Variants in CLIC5 observed in about 807,000 individuals in gnomAD.
CLIC5 encodes CLIC family member 5.
In CLIC5, 20 loss-of-function variants were observed where a neutral mutation model predicts 24.7. That is an observed-to-expected ratio of 0.81 (90% CI 0.57 to 1.18). The LOEUF (loss-of-function observed/expected upper bound fraction) is 1.18. Among genes scored for constraint, CLIC5 ranks in the 50% most tolerant of loss-of-function variants. The pLI is 0.00. For missense variants in CLIC5, 341 were observed against 326.1 expected (o/e 1.05, Z -0.35); for synonymous variants, 159 against 135.6 (o/e 1.17, Z -1.20).
chr6:46,079,687 C>G (rs1762872021), intron 1 of CLIC5: 1 of 1,542,962 alleles, frequency 6.5e-7, no homozygotes, highest in East Asian at 2.4e-5. Context: ...GTATGCCTGT[C>G]AGAGGCAGAC....
At chr6:46,027,375 G>A (rs1016094571) in intron 1 of CLIC5, among the ~76,000 whole-genome samples, 9 of 152,208 alleles carry the variant, frequency 5.9e-5, no homozygotes, top group Admixed American at 1.3e-4. Context: ...CCTTAGGTGG[G>A]ACAAAGCATT....
intron 1 of CLIC5, among the ~76,000 whole-genome samples, chr6:45,995,623 C>T (rs1229780488): frequency 3.3e-5 from 5 of 152,112 alleles, no homozygotes; most frequent in African/African-American, 4.8e-5. Context: ...GCTAAATATC[C>T]TAATGAGACA....
the CLIC5 span, among the ~76,000 whole-genome samples, chr6:46,088,194 T>TGA: frequency 1.9e-4 from 28 of 151,276 alleles, no homozygotes; most frequent in African/African-American, 6.6e-4. Context: ...TGTGTGTGTG[T>TGA]GACACTGTAT....
intron 1 of CLIC5, among the ~76,000 whole-genome samples, chr6:45,995,958 G>A (rs1039061283): frequency 2.0e-5 from 3 of 152,064 alleles, no homozygotes; most frequent in Non-Finnish European, 2.9e-5. Flanking sequence ...ACACACTGGG[G>A]ACTGTTGAGG....
At chr6:45,903,586 G>A (rs116114639) in intron 5 of CLIC5, among the ~76,000 whole-genome samples, 415 of 152,156 alleles carry the variant, frequency 2.7e-3, no homozygotes, top group African/African-American at 9.2e-3. Context: ...GGTGCACAGC[G>A]CCAAAGTCCA....
chr6:45,970,167 G>A (rs1411145689), intron 1 of CLIC5, among the ~76,000 whole-genome samples: 1 of 152,144 alleles, frequency 6.6e-6, no homozygotes, highest in Non-Finnish European at 1.5e-5. Flanking sequence ...GTTTCTCCCA[G>A]CCAAGTGCCC....
At chr6:46,116,210 A>G in the CLIC5 span, among the ~76,000 whole-genome samples, 1 of 150,890 alleles carries the variant, frequency 6.6e-6, no homozygotes, top group African/African-American at 2.5e-5. Flanking sequence ...CAGAGTCTGG[A>G]AGCAGCTTTG....
chr6:46,071,809 C>T (rs956039860), intron 1 of CLIC5, among the ~76,000 whole-genome samples: 31 of 152,148 alleles, frequency 2.0e-4, no homozygotes, highest in East Asian at 5.8e-4. Flanking sequence ...CAGCACTATT[C>T]GCAATAGCAA....
At chr6:45,932,241 A>G (rs562193755) in intron 4 of CLIC5, among the ~76,000 whole-genome samples, 20 of 151,838 alleles carry the variant, frequency 1.3e-4, no homozygotes, top group African/African-American at 4.6e-4. Context: ...TCTCAAGTAG[A>G]TGGGATATAG....
chr6:45,999,167 C>T (rs1297666639), intron 1 of CLIC5, among the ~76,000 whole-genome samples: 1 of 152,168 alleles, frequency 6.6e-6, no homozygotes, highest in East Asian at 1.9e-4. Context: ...AAAGGGACCT[C>T]GGGTATCATT....
chr6:46,078,440 C>T (rs1209441995), intron 1 of CLIC5, among the ~76,000 whole-genome samples: 1 of 152,126 alleles, frequency 6.6e-6, no homozygotes, highest in Non-Finnish European at 1.5e-5. Context: ...TGCGTGAATG[C>T]ACCTGTTCTA....
chr6:45,906,786 T>C (rs1762673695), intron 5 of CLIC5, among the ~76,000 whole-genome samples: 1 of 152,182 alleles, frequency 6.6e-6, no homozygotes, highest in South Asian at 2.1e-4. Flanking sequence ...GGTCTCGAAC[T>C]CCCGACCTCA....
chr6:46,080,439 C>T (rs1243844980), upstream of CLIC5: 2 of 578,304 alleles, frequency 3.5e-6, no homozygotes, highest in Admixed American at 6.0e-5. Flanking sequence ...GTCCATTGGA[C>T]AGAAGATAAA....
chr6:46,123,919 A>C, the CLIC5 span, among the ~76,000 whole-genome samples: 1 of 152,330 alleles, frequency 6.6e-6, no homozygotes, highest in Admixed American at 6.5e-5. Flanking sequence ...ACCACTGCTC[A>C]ATGAAATAAA....
the CLIC5 span, among the ~76,000 whole-genome samples, chr6:46,121,036 A>G: frequency 1.3e-5 from 2 of 152,242 alleles, no homozygotes; most frequent in Non-Finnish European, 2.9e-5. Flanking sequence ...AACTTCCCCA[A>G]TCTAGCAAGG....
At chr6:45,983,283 A>G (rs1228820776) in intron 1 of CLIC5, among the ~76,000 whole-genome samples, 4 of 152,298 alleles carry the variant, frequency 2.6e-5, no homozygotes, top group Middle Eastern at 3.4e-3. Context: ...AGGAAGCCAT[A>G]AAAATGCATA....
In CLIC5 at chr6:46,000,042, G is replaced by A. The variant is rs192730113; in HGVS notation, c.63+15438C>T. Among the ~76,000 whole-genome samples the A allele has an allele frequency of 8.2e-3, 595 of 72,672 alleles. 210 individuals are homozygous for A. Among genetic ancestry groups the A allele is most frequent in the African/African-American group, 0.063 (528 of 8,432 alleles). 47.7% of individuals were successfully genotyped at this position (72,672 alleles called of 152,430 possible). Reference sequence around the variant, plus strand: ...TGGGATTACAGGCGTGAGCCACCGCGCCCGGCCTTCCTTGTGGTTTTTTAA... The same window carrying A: ...TGGGATTACAGGCGTGAGCCACCGCACCCGGCCTTCCTTGTGGTTTTTTAA... On this transcript the variant is annotated intron_variant, in intron 1 of 5. Coordinates refer to ENST00000339561, the MANE Select transcript of CLIC5 (RefSeq NM_016929.5).
intron 1 of CLIC5, among the ~76,000 whole-genome samples, chr6:45,983,961 G>T (rs750517952): frequency 4.6e-5 from 7 of 152,126 alleles, no homozygotes; most frequent in Non-Finnish European, 8.8e-5. Context: ...TTTGTTCACT[G>T]CTGTAGTCCC....
At chr6:46,037,872 T>C (rs1293793249) in intron 1 of CLIC5, among the ~76,000 whole-genome samples, 4 of 152,144 alleles carry the variant, frequency 2.6e-5, no homozygotes, top group Admixed American at 2.6e-4. Context: ...TGGTATTTGG[T>C]TACAGGTAGG....
Sources: gnomAD v4.1 joint callset for allele counts (sites outside exome capture counted in the v4.1 genomes callset) on GRCh38, gnomAD v4.1.1 for gene constraint, MANE v1.5 for transcripts, NCBI Gene and HGNC (gene_info 2026-07-23, HGNC 2026-07-21) for gene names.